Variants in NAA11 observed in about 807,000 individuals in gnomAD.
NAA11 encodes the protein N-alpha-acetyltransferase 11, NatA catalytic subunit.
Under a neutral mutation model 16.1 loss-of-function variants are expected in NAA11, and 15 were observed. The observed-to-expected ratio is 0.93, with a 90% confidence interval of 0.62 to 1.44. NAA11 has a LOEUF of 1.44. NAA11 is among the 40% of genes most tolerant of loss of function. The pLI, the probability that NAA11 is intolerant of heterozygous loss-of-function variation, is 0.00. For synonymous variants in NAA11, 122 were observed against 112.4 expected, an observed-to-expected ratio of 1.09 and a Z score of -0.54; for missense variants, 298 against 291.3, an observed-to-expected ratio of 1.02 and a Z score of -0.17.
the NAA11 span, among the ~76,000 whole-genome samples, chr4:79,204,190 CA>C: frequency 2.0e-5 from 3 of 151,720 alleles, no homozygotes; most frequent in African/African-American, 7.3e-5. Flanking sequence ...AAGATACAGA[CA>C]AATATTTGGT....
chr4:79,322,788 T>C (rs887216773), intron 1 of NAA11, among the ~76,000 whole-genome samples: 3 of 152,186 alleles, frequency 2.0e-5, no homozygotes, highest in Non-Finnish European at 4.4e-5. Flanking sequence ...GCCGGCTTTA[T>C]TTTTTAGAAA....
At chr4:79,157,282 T>C in the NAA11 span, among the ~76,000 whole-genome samples, 1 of 152,068 alleles carries the variant, frequency 6.6e-6, no homozygotes, top group Non-Finnish European at 1.5e-5. Flanking sequence ...GTCCCCAAAG[T>C]CCATTGTATC....
At chr4:79,267,448 T>C (rs1198077604) in intron 2 of NAA11, among the ~76,000 whole-genome samples, 2 of 152,224 alleles carry the variant, frequency 1.3e-5, no homozygotes, top group Non-Finnish European at 2.9e-5. Flanking sequence ...GGACAGGTCA[T>C]AGAATGCTTC....
At chr4:79,268,860 C>T (rs1362088974) in intron 2 of NAA11, among the ~76,000 whole-genome samples, 5 of 110,692 alleles carry the variant, frequency 4.5e-5, no homozygotes, top group Non-Finnish European at 7.0e-5. Flanking sequence ...CCTCCCCCCA[C>T]CCCACCACAG....
chr4:79,304,799 TA>T (rs1723522870), intron 1 of NAA11, among the ~76,000 whole-genome samples: 1 of 152,146 alleles, frequency 6.6e-6, no homozygotes, highest in African/African-American at 2.4e-5. Flanking sequence ...AGGCAGACTG[TA>T]AGAGTGATTT....
Position 79,325,894 on chromosome 4 carries a change from G to C in NAA11, c.-17C>G. The C allele has an allele frequency of 1.3e-6, 2 of 1,590,230 alleles. No homozygotes were observed. Among genetic ancestry groups the C allele is most frequent in the Non-Finnish European group, 1.7e-6 (2 of 1,167,216 alleles). On this transcript the variant is annotated 5_prime_UTR_variant, in exon 1 of 2. Coordinates refer to ENST00000286794, the MANE Select transcript of NAA11 (RefSeq NM_032693.3). Reference sequence around the variant, plus strand: ...GATGTTCATAATGGCAGAGGGTAGGGAACCGGTTGGACTGCAGTGAACCCA... The same window carrying C: ...GATGTTCATAATGGCAGAGGGTAGGCAACCGGTTGGACTGCAGTGAACCCA...
intron 1 of NAA11, among the ~76,000 whole-genome samples, chr4:79,298,487 C>T (rs1190244380): frequency 6.6e-6 from 1 of 152,220 alleles, no homozygotes; most frequent in Non-Finnish European, 1.5e-5. Context: ...ATTCCAGGTG[C>T]CACCACATTC....
chr4:79,268,794 G>A (rs985572178), intron 2 of NAA11, among the ~76,000 whole-genome samples: 5 of 151,076 alleles, frequency 3.3e-5, no homozygotes, highest in Admixed American at 2.6e-4. Flanking sequence ...CTGGTGCGCT[G>A]CACCCACTAA....
chr4:79,172,275 T>C, the NAA11 span, among the ~76,000 whole-genome samples: 2 of 152,072 alleles, frequency 1.3e-5, no homozygotes, highest in African/African-American at 4.8e-5. Context: ...AAAATTTCCC[T>C]CTCAAGATCT....
At chr4:79,310,820 C>T (rs930978273) in intron 1 of NAA11, among the ~76,000 whole-genome samples, 3 of 151,914 alleles carry the variant, frequency 2.0e-5, no homozygotes, top group East Asian at 3.9e-4. Flanking sequence ...TTTTATTGAC[C>T]GATAGATTTA....
intron 2 of NAA11, among the ~76,000 whole-genome samples, chr4:79,266,429 G>A (rs1722346751): frequency 6.6e-6 from 1 of 152,148 alleles, no homozygotes; most frequent in East Asian, 1.9e-4. Flanking sequence ...AGGACTGCCT[G>A]AAGAGAGACA....
At chr4:79,239,058 G>T (rs1407698523) in intron 2 of NAA11, among the ~76,000 whole-genome samples, 2 of 152,176 alleles carry the variant, frequency 1.3e-5, no homozygotes, top group Non-Finnish European at 2.9e-5. Flanking sequence ...ATCACTCTGA[G>T]AAAGATTGAG....
rs112507986 is a variant in NAA11 at position 79,256,935 on chromosome 4, G to A, written c.*123-30665C>T. 1.2e-3 allele frequency among the ~76,000 whole-genome samples: 179 copies of A among 151,840 alleles called. 1 individual carries two copies. In the Middle Eastern group the frequency reaches 0.017, roughly 14 times the overall value. ...ATTACAGACATGAGCCACCATGCCCGGCCTGTAAATACTTTTGTAGCCATG... is the reference window on the plus strand; with the variant it reads ...ATTACAGACATGAGCCACCATGCCCAGCCTGTAAATACTTTTGTAGCCATG... On this transcript the variant is annotated intron_variant and NMD_transcript_variant, in intron 2 of 2. Transcript: ENST00000511542.
intron 2 of NAA11, among the ~76,000 whole-genome samples, chr4:79,236,782 A>G (rs1388067941): frequency 6.6e-6 from 1 of 152,176 alleles, no homozygotes; most frequent in Non-Finnish European, 1.5e-5. Flanking sequence ...GCACAAACAG[A>G]GCCATCTCTG....
At chr4:79,219,744 T>A in the NAA11 span, among the ~76,000 whole-genome samples, 1 of 152,218 alleles carries the variant, frequency 6.6e-6, no homozygotes, top group Non-Finnish European at 1.5e-5. Context: ...ATACATTTTT[T>A]CTGAACCATT....
intron 1 of NAA11, among the ~76,000 whole-genome samples, chr4:79,302,570 A>G (rs1437763495): frequency 1.3e-5 from 2 of 152,118 alleles, no homozygotes; most frequent in African/African-American, 4.8e-5. Flanking sequence ...GTATATGTGT[A>G]TATAATGTAT....
intron 2 of NAA11, among the ~76,000 whole-genome samples, chr4:79,246,400 GAA>G (rs33939663): frequency 0.7 from 80,840 of 115,344 alleles, 24,996 homozygotes; most frequent in South Asian, 0.83. Flanking sequence ...AAAAAAAAAA[GAA>G]AAAATAAGAA....
At chr4:79,155,835 A>G in the NAA11 span, among the ~76,000 whole-genome samples, 14 of 152,260 alleles carry the variant, frequency 9.2e-5, no homozygotes, top group Admixed American at 8.5e-4. Context: ...GATTGTATAC[A>G]TGCTATTGTT....
intron 1 of NAA11, among the ~76,000 whole-genome samples, chr4:79,318,933 T>G (rs145540773): frequency 2.9e-4 from 44 of 152,300 alleles, no homozygotes; most frequent in African/African-American, 9.4e-4. Context: ...TAGTCCTTTT[T>G]TTGAGACAGG....
Sources: allele counts gnomAD v4.1 joint callset (sites outside exome capture counted in the v4.1 genomes callset), GRCh38; gene constraint gnomAD v4.1.1; transcripts MANE v1.5; gene names NCBI Gene and HGNC (gene_info 2026-07-23, HGNC 2026-07-21).